TRAFD1: variants seen among roughly 807,000 people sequenced by gnomAD.
TRAFD1 encodes TRAF-type zinc finger domain-containing protein 1.
A neutral mutation model predicts 65.3 loss-of-function variants in TRAFD1; 38 were observed. The ratio of observed to expected loss-of-function variants is 0.58; its 90% CI spans 0.45 to 0.76. TRAFD1 has a LOEUF of 0.76. Ranked by LOEUF, TRAFD1 falls within the 30% of genes least tolerant of loss-of-function variation. The pLI is 0.00. For synonymous variants in TRAFD1, 223 were observed against 257.2 expected (o/e 0.87, Z 1.27); for missense variants, 631 against 712.6 (o/e 0.89, Z 1.30).
chr12:112,147,659 A>T (rs552876484), intron 7 of TRAFD1, among the ~76,000 whole-genome samples: 3 of 151,940 alleles, frequency 2.0e-5, no homozygotes, highest in Non-Finnish European at 4.4e-5. Context: ...TCCAATATTA[A>T]GCATTTAAAA....
At position 112,137,963 on chromosome 12, in the gene TRAFD1, G is replaced by A. The variant is rs183608416; in HGVS notation, c.238-2856G>A. Among the ~76,000 whole-genome samples, 3 of 152,020 alleles carry A rather than the reference G, an allele frequency of 2.0e-5. No homozygotes were observed. The highest frequency in any genetic ancestry group is 6.6e-5 in the Admixed American group (1 of 15,266). On this transcript the variant is annotated intron_variant, in intron 4 of 11. Transcript: ENST00000412615. This position sits in a 1 kb window ranked among gnomAD's most constrained non-coding sequence, Gnocchi z 4.2. ...ATTACCCTTAAAGGTAATTCACAGC[G>A]GGCTACAGTGACTCATGCCTGTATC...
Position 112,151,893 on chromosome 12 carries a change from A to G in TRAFD1, c.1372A>G (p.Met458Val). The change falls in exon 10 of 12, where the codon ATG becomes GTG. Residue 458 changes from methionine to valine, a missense_variant. By Grantham distance (21) the Met-to-Val change is conservative. Coordinates refer to ENST00000412615, the MANE Select transcript of TRAFD1 (RefSeq NM_006700.3). ...CLPPSRPINN[M>V]TATYNQLSRS... is the part of the protein sequence containing the mutation. ...GCCTCCCAGCCGACCCATTAACAAT[A>G]TGACAGCTACCTATAACCAGCTATC... 6.2e-7 allele frequency: 1 copy of G among 1,614,196 alleles called. No homozygotes were observed. The highest frequency in any genetic ancestry group is 8.5e-7 in the Non-Finnish European group (1 of 1,180,040).
intron 4 of TRAFD1, among the ~76,000 whole-genome samples, chr12:112,136,925 T>C (rs1163282832): frequency 6.6e-6 from 1 of 152,210 alleles, no homozygotes; most frequent in Non-Finnish European, 1.5e-5. Flanking sequence ...GTATGTTAAT[T>C]CACCAATTTA....
intron 4 of TRAFD1, among the ~76,000 whole-genome samples, chr12:112,136,393 C>CCTCAGCCT (rs1294852774): frequency 6.6e-6 from 1 of 151,246 alleles, no homozygotes; most frequent in Admixed American, 6.6e-5. Flanking sequence ...GATTCTCCTT[C>CCTCAGCCT]CTCAGCCTCC....
intron 2 of TRAFD1, among the ~76,000 whole-genome samples, chr12:112,131,147 C>T (rs2079564728): frequency 6.6e-6 from 1 of 152,156 alleles, no homozygotes; most frequent in African/African-American, 2.4e-5. Context: ...TTGTAGGTGT[C>T]TTGCCATATT....
chr12:112,128,015 C>T (rs537517871), intron 1 of TRAFD1, among the ~76,000 whole-genome samples: 12 of 142,712 alleles, frequency 8.4e-5, no homozygotes, highest in African/African-American at 2.8e-4. Flanking sequence ...CAGTATTGTC[C>T]TTTTTTTTTT....
chr12:112,133,136 A>G (rs2079574347), intron 2 of TRAFD1: 1 of 152,198 alleles, frequency 6.6e-6, no homozygotes, highest in African/African-American at 2.4e-5. Flanking sequence ...CTTAATTTGT[A>G]TAGCTTAGAT....
chr12:112,142,073 G>GT lies in TRAFD1; in HGVS notation c.644-16_644-15insT. On this transcript the variant is annotated splice_polypyrimidine_tract_variant and intron_variant, in intron 5 of 11. Coordinates refer to ENST00000412615, the MANE Select transcript of TRAFD1 (RefSeq NM_006700.3). Reference sequence around the variant, plus strand: ...TTCTAATGTATCCTGAATGTTGGTTGGTTTTTTTTTTTCAGTTGAAGAACA... The same window carrying GT: ...TTCTAATGTATCCTGAATGTTGGTTGTGTTTTTTTTTTTCAGTTGAAGAACA... 1.3e-5 allele frequency: 21 copies of GT among 1,605,722 alleles called. No individual in the cohort carries two copies. The highest frequency in any genetic ancestry group is 1.7e-5 in the Admixed American group (1 of 59,730).
intron 9 of TRAFD1, among the ~76,000 whole-genome samples, chr12:112,150,644 G>C (rs769108173): frequency 2.0e-5 from 3 of 151,780 alleles, no homozygotes; most frequent in Non-Finnish European, 2.9e-5. Flanking sequence ...TCAACCTCTT[G>C]AGCTCAAGTG....
intron 2 of TRAFD1, among the ~76,000 whole-genome samples, chr12:112,132,207 C>T (rs991146860): frequency 7.2e-5 from 11 of 152,250 alleles, no homozygotes; most frequent in African/African-American, 1.9e-4. Flanking sequence ...AACATTTCTT[C>T]TTTCACTTTG....
At chr12:112,143,006 CTCCTGGGCT>C (rs1016582737) in intron 6 of TRAFD1, among the ~76,000 whole-genome samples, 18 of 152,026 alleles carry the variant, frequency 1.2e-4, no homozygotes, top group African/African-American at 4.3e-4. Context: ...CAACCTCTGC[CTCCTGGGCT>C]CAAGTGATTC....
rs1338182074 is a variant in TRAFD1, at chr12:112,152,260, G to A, written c.1619+120G>A. On this transcript the variant is annotated intron_variant, in intron 10 of 11. Transcript: ENST00000412615. The surrounding 1 kb of genome is among the most constrained non-coding windows in gnomAD (Gnocchi z 5.0). ...AGGTACTTGCATGGTAAGGGGAGGA[G>A]TATGGATTTTCCCTGTATTGTCACC... The A allele has an allele frequency of 7.1e-7, 1 of 1,408,622 alleles. No homozygotes were observed. The highest frequency in any genetic ancestry group is 2.0e-5 in the Admixed American group (1 of 51,150). The allele number at this position is 1,408,622 out of a possible 1,614,324, so 87.3% of individuals were successfully genotyped here.
intron 4 of TRAFD1, among the ~76,000 whole-genome samples, chr12:112,140,372 A>AT (rs1375883382): frequency 6.9e-6 from 1 of 145,278 alleles, no homozygotes; most frequent in Non-Finnish European, 1.5e-5. Context: ...ATGAGCCAAG[A>AT]TTGCGCCATT....
chr12:112,132,634 A>G lies in TRAFD1; in HGVS notation c.47+2065A>G, dbSNP rs551744626. Among the ~76,000 whole-genome samples the G allele has an allele frequency of 2.6e-5, 4 of 152,276 alleles. 1 individual carries two copies. In the South Asian group the frequency reaches 8.3e-4, roughly 32 times the overall value. ...TCTGTCACCTTCCAGTGCTGCTTTGAGAGCTGCCTTGGGGTCCCTAGCTTG... is the reference window on the plus strand; with the variant it reads ...TCTGTCACCTTCCAGTGCTGCTTTGGGAGCTGCCTTGGGGTCCCTAGCTTG... On this transcript the variant is annotated intron_variant, in intron 2 of 11. Coordinates refer to ENST00000412615, the MANE Select transcript of TRAFD1 (RefSeq NM_006700.3).
In TRAFD1 at chr12:112,148,205, G is replaced by C. The variant is rs2030308580; in HGVS notation, c.1059G>C (p.Leu353Phe). The change falls in exon 8 of 12, where the codon TTG (leucine) becomes TTC (phenylalanine). Residue 353 changes from leucine (L) to phenylalanine (F), a missense_variant. Coordinates refer to ENST00000412615, the MANE Select transcript of TRAFD1 (RefSeq NM_006700.3). Reference sequence around the variant, plus strand: ...CTGCAAGTAACCAGTTAGACTCTTTGATGGGCCTGAGCAATTCACACCCTG... The same window carrying C: ...CTGCAAGTAACCAGTTAGACTCTTTCATGGGCCTGAGCAATTCACACCCTG... Reference protein sequence around the residue: ...QQAASNQLDSLMGLSNSHPVE... With the variant: ...QQAASNQLDSFMGLSNSHPVE... The C allele has an allele frequency of 6.2e-7, 1 of 1,614,072 alleles. No individual in the cohort carries two copies. Among genetic ancestry groups the C allele is most frequent in the Non-Finnish European group, 8.5e-7 (1 of 1,180,042 alleles).
Position 112,130,354 on chromosome 12 carries a change from A to G in TRAFD1, c.-12-157A>G. ...ATTATTTTAAATTGAAAATTTTAAA[A>G]TAAGAAAATCCCAAGGGACTGGATA... On this transcript the variant is annotated intron_variant, in intron 1 of 11. Coordinates refer to ENST00000412615, the MANE Select transcript of TRAFD1 (RefSeq NM_006700.3). The surrounding 1 kb of genome is among the most constrained non-coding windows in gnomAD (Gnocchi z 4.4). The G allele has an allele frequency of 2.2e-6, 1 of 447,002 alleles. No homozygotes were observed. Among genetic ancestry groups the G allele is most frequent in the Non-Finnish European group, 4.0e-6 (1 of 251,828 alleles). 27.7% of individuals were successfully genotyped at this position (447,002 alleles called of 1,614,324 possible).
Position 112,149,848 on chromosome 12 carries a change from C to T in TRAFD1, c.1256C>T (p.Pro419Leu). The T allele has an allele frequency of 1.2e-6, 2 of 1,614,136 alleles. No individual in the cohort carries two copies. The highest frequency in any genetic ancestry group is 3.3e-5 in the Admixed American group (2 of 60,024). Reference protein sequence around the residue: ...SQPQETSPELPRRRVRHQGDL... With the variant: ...SQPQETSPELLRRRVRHQGDL... ...CCTCAAGAGACCTCACCAGAGCTGC[C>T]CAGGAGGCGTGTCAGACACCAGGGT... Residue 419 changes from proline to leucine, a missense_variant, in exon 9 of 12, where the codon CCC becomes CTC. Pro to Leu is a moderately conservative substitution (Grantham distance 98). Coordinates refer to ENST00000412615, the MANE Select transcript of TRAFD1 (RefSeq NM_006700.3).
chr12:112,129,843 C>T (rs1412790946), intron 1 of TRAFD1, among the ~76,000 whole-genome samples: 1 of 151,982 alleles, frequency 6.6e-6, no homozygotes, highest in Non-Finnish European at 1.5e-5. Context: ...GGGGTTTCAC[C>T]ATGTTGGCTA....
intron 2 of TRAFD1, chr12:112,133,340 G>A (rs2079575524): frequency 6.6e-6 from 1 of 152,208 alleles, no homozygotes; most frequent in Non-Finnish European, 1.5e-5. Flanking sequence ...GCATACAGGA[G>A]ACAATTTCCC....
Sources: gnomAD v4.1 joint callset for allele counts (sites outside exome capture counted in the v4.1 genomes callset) on GRCh38, gnomAD v4.1.1 for gene constraint, Gnocchi (gnomAD v3.1) non-coding constraint, MANE v1.5 for transcripts, NCBI Gene and HGNC (gene_info 2026-07-23, HGNC 2026-07-21) for gene names.